STK3: variants seen among roughly 807,000 people sequenced by gnomAD.
The protein encoded by STK3 is serine/threonine kinase 3, also known as serine/threonine-protein kinase 3.
STK3 carries 41 observed loss-of-function variants against 58.0 expected under a neutral mutation model. The ratio of observed to expected loss-of-function variants is 0.71; its 90% CI spans 0.55 to 0.92. The LOEUF (loss-of-function observed/expected upper bound fraction) is 0.92, where lower values mean the gene tolerates loss of function less well. STK3 is among the 40% of genes least tolerant of loss of function. The pLI, the probability that STK3 is intolerant of heterozygous loss-of-function variation, is 0.00. For synonymous variants in STK3, 170 were observed against 191.0 expected, an observed-to-expected ratio of 0.89 and a Z score of 0.91; for missense variants, 479 against 602.7, an observed-to-expected ratio of 0.79 and a Z score of 2.15.
At position 98,858,249 on chromosome 8, in the gene STK3, G is replaced by A. The variant is rs1035265932; in HGVS notation, c.110+25398C>T. On this transcript the variant is annotated intron_variant, in intron 3 of 12. Transcript: ENST00000523601. ...ATACAAAAATTAGCCGGATGTGGTG[G>A]CATGCACCTATAGTCCCAGCTACAG... Among the ~76,000 whole-genome samples, 6 of 137,496 alleles carry A rather than the reference G, an allele frequency of 4.4e-5. No individual in the cohort carries two copies. The Admixed American group carries it at 4.6e-4, about 11-fold the overall frequency. The allele number at this position is 137,496 out of a possible 152,430, so 90.2% of individuals were successfully genotyped here.
intron 4 of STK3, among the ~76,000 whole-genome samples, chr8:98,744,238 C>T (rs1452347584): frequency 6.6e-6 from 1 of 152,100 alleles, no homozygotes; most frequent in African/African-American, 2.4e-5. Context: ...TGGGTATATA[C>T]CCAAAGGACT....
chr8:98,839,264 G>T (rs889671124), intron 3 of STK3, among the ~76,000 whole-genome samples: 3 of 151,974 alleles, frequency 2.0e-5, no homozygotes, highest in East Asian at 3.9e-4. Context: ...TGCCCAGGCT[G>T]GTCTTGAACT....
chr8:98,579,927 G>A, intron 7 of STK3, 138 bp from the exon 8 acceptor site: 1 of 822,512 alleles, frequency 1.2e-6, no homozygotes, highest in Non-Finnish European at 1.7e-6. Flanking sequence ...TAAATGTATA[G>A]GTTAAGAAAA....
At chr8:98,732,250 T>G (rs1828261498) in intron 4 of STK3, among the ~76,000 whole-genome samples, 1 of 152,142 alleles carries the variant, frequency 6.6e-6, no homozygotes, top group Non-Finnish European at 1.5e-5. Context: ...AGACAGACAA[T>G]TGTTTATATA....
chr8:98,645,857 A>G (rs1382630369), intron 6 of STK3, among the ~76,000 whole-genome samples: 1 of 152,152 alleles, frequency 6.6e-6, no homozygotes, highest in Non-Finnish European at 1.5e-5. Context: ...GATATCGAGT[A>G]GAGACAGGGT....
downstream of STK3, among the ~76,000 whole-genome samples, chr8:98,396,878 C>T (rs371727153): frequency 6.6e-6 from 1 of 152,270 alleles, no homozygotes; most frequent in East Asian, 1.9e-4. Context: ...ATCCTAGTAC[C>T]ATAGATAAGA....
At chr8:98,498,466 A>T (rs1215617203) in intron 10 of STK3, among the ~76,000 whole-genome samples, 1 of 152,204 alleles carries the variant, frequency 6.6e-6, no homozygotes, top group Non-Finnish European at 1.5e-5. Flanking sequence ...TAAGCAAAGC[A>T]TGACATGGCC....
At chr8:98,895,382 A>G (rs1465062056) in intron 1 of STK3, among the ~76,000 whole-genome samples, 1 of 152,082 alleles carries the variant, frequency 6.6e-6, no homozygotes, top group Non-Finnish European at 1.5e-5. Flanking sequence ...ATTTCTTTTT[A>G]CTAGACTAAA....
chr8:98,549,441 G>A (rs1188271596), intron 8 of STK3, among the ~76,000 whole-genome samples: 2 of 151,962 alleles, frequency 1.3e-5, no homozygotes, highest in Admixed American at 6.6e-5. Context: ...TTTTAAAATG[G>A]GTTGTTTGGT....
chr8:98,788,908 T>C (rs749726270), intron 1 of STK3, among the ~76,000 whole-genome samples: 6 of 152,272 alleles, frequency 3.9e-5, no homozygotes, highest in Middle Eastern at 3.4e-3. Flanking sequence ...CTGGAACAAA[T>C]GGACTTAACA....
At chr8:98,805,623 G>C (rs979283482) in intron 1 of STK3, among the ~76,000 whole-genome samples, 1 of 151,940 alleles carries the variant, frequency 6.6e-6, no homozygotes, top group Non-Finnish European at 1.5e-5. Flanking sequence ...ATAAAAAGCA[G>C]ATAGTGTGCA....
intron 1 of STK3, among the ~76,000 whole-genome samples, chr8:98,821,154 G>A (rs1346374224): frequency 1.3e-5 from 2 of 152,156 alleles, no homozygotes; most frequent in African/African-American, 2.4e-5. Flanking sequence ...CTATACGCGA[G>A]CATTACCGCC....
the STK3 span, among the ~76,000 whole-genome samples, chr8:98,364,191 G>A: frequency 6.6e-6 from 1 of 152,156 alleles, no homozygotes; most frequent in South Asian, 2.1e-4. Context: ...CAGGCTGGAG[G>A]GTCGTCTTGG....
chr8:98,695,062 G>A (rs1031284408), intron 6 of STK3, among the ~76,000 whole-genome samples: 1 of 152,148 alleles, frequency 6.6e-6, no homozygotes, highest in African/African-American at 2.4e-5. Flanking sequence ...GTGAGATGGT[G>A]TCTCATTGTG....
the STK3 span, among the ~76,000 whole-genome samples, chr8:98,354,227 A>T: frequency 6.6e-6 from 1 of 152,180 alleles, no homozygotes; most frequent in African/African-American, 2.4e-5. Context: ...TCCTGGTCCA[A>T]TTAGTTGGAG....
intron 8 of STK3, among the ~76,000 whole-genome samples, chr8:98,551,598 T>C (rs902841147): frequency 6.6e-6 from 1 of 152,096 alleles, no homozygotes; most frequent in Admixed American, 6.6e-5. Flanking sequence ...ACAAAGGCCA[T>C]TGCAATCTTA....
chr8:98,934,004 C>T (rs1840103195), intron 1 of STK3, among the ~76,000 whole-genome samples: 1 of 152,220 alleles, frequency 6.6e-6, no homozygotes, highest in Non-Finnish European at 1.5e-5. Flanking sequence ...AGGGCCTTCC[C>T]TGCTGTGTGT....
chr8:98,475,765 T>G (rs1275529530), intron 10 of STK3, among the ~76,000 whole-genome samples: 1 of 152,194 alleles, frequency 6.6e-6, no homozygotes, highest in African/African-American at 2.4e-5. Flanking sequence ...ACTTTGAGAA[T>G]TATAAATGGC....
chr8:98,368,048 C>T (rs535894386), downstream of STK3, among the ~76,000 whole-genome samples: 1 of 136,294 alleles, frequency 7.3e-6, no homozygotes, highest in South Asian at 2.3e-4. Flanking sequence ...CCCCAGGGCA[C>T]TCTGCAGGGG....
Sources: gnomAD v4.1 joint callset for allele counts (sites outside exome capture counted in the v4.1 genomes callset) on GRCh38, gnomAD v4.1.1 for gene constraint, MANE v1.5 for transcripts, NCBI Gene and HGNC (gene_info 2026-07-23, HGNC 2026-07-21) for gene names.